Variants in DCDC2 observed in about 807,000 individuals in gnomAD.
DCDC2 encodes the protein doublecortin domain containing 2.
DCDC2 carries 40 observed loss-of-function variants against 50.2 expected under a neutral mutation model. The ratio of observed to expected loss-of-function variants is 0.80; its 90% CI spans 0.62 to 1.04. The LOEUF (loss-of-function observed/expected upper bound fraction) is 1.04, where lower values mean the gene tolerates loss of function less well. Among genes scored for constraint, DCDC2 ranks in the 50% least tolerant of loss-of-function variants. The pLI is 0.00. For synonymous variants in DCDC2, 234 were observed against 210.6 expected, an observed-to-expected ratio of 1.11 and a Z score of -0.96; for missense variants, 570 against 581.9, an observed-to-expected ratio of 0.98 and a Z score of 0.21.
chr6:24,250,712 T>C (rs114164872), intron 7 of DCDC2, among the ~76,000 whole-genome samples: 3,809 of 152,050 alleles, frequency 0.025, 79 homozygotes, highest in African/African-American at 0.054. Context: ...TTCCAACTTA[T>C]ATCCTAATCC....
At chr6:24,189,621 C>T (rs1160108622) in intron 8 of DCDC2, among the ~76,000 whole-genome samples, 3 of 152,150 alleles carry the variant, frequency 2.0e-5, no homozygotes, top group Non-Finnish European at 4.4e-5. Flanking sequence ...ATGTTTAAGG[C>T]ATATACTATC....
chr6:24,358,010 C>A lies in DCDC2; in HGVS notation c.-260G>T. The A allele has an allele frequency of 1.5e-6, 2 of 1,318,700 alleles. No homozygotes were observed. The highest frequency in any genetic ancestry group is 2.0e-6 in the Non-Finnish European group (2 of 981,248). 81.7% of individuals were successfully genotyped at this position (1,318,700 alleles called of 1,614,324 possible). ...AGCCAATCAGGACCCGCAGTGCGCG[C>A]ACCACACCAGGTTCACCTGCTACGG... is the stretch of plus-strand genomic sequence containing the variant. On this transcript the variant is annotated 5_prime_UTR_variant, in exon 1 of 10. Transcript: ENST00000378454.
intron 7 of DCDC2, among the ~76,000 whole-genome samples, chr6:24,276,757 T>A (rs1763367313): frequency 6.6e-6 from 1 of 152,170 alleles, no homozygotes. Context: ...AGCCTCCTTG[T>A]TTGCTACTCA....
chr6:24,198,109 AT>A, intron 8 of DCDC2, among the ~76,000 whole-genome samples: 1 of 152,358 alleles, frequency 6.6e-6, no homozygotes, highest in South Asian at 2.1e-4. Context: ...TTTGACTTAC[AT>A]TTATACAGGC....
chr6:24,285,065 C>T (rs980990079), intron 6 of DCDC2, among the ~76,000 whole-genome samples: 4 of 152,120 alleles, frequency 2.6e-5, no homozygotes, highest in African/African-American at 9.7e-5. Context: ...CACACACACA[C>T]ACTAGAATGA....
intron 4 of DCDC2, among the ~76,000 whole-genome samples, chr6:24,301,370 C>CAAAAAAAAA (rs59055669): frequency 1.6e-5 from 1 of 64,102 alleles, no homozygotes. Flanking sequence ...GGCTCCATCT[C>CAAAAAAAAA]AAAAAAAAAA....
chr6:24,337,812 A>AG (rs59621521), intron 2 of DCDC2, among the ~76,000 whole-genome samples: 2 of 150,990 alleles, frequency 1.3e-5, no homozygotes, highest in African/African-American at 4.9e-5. Flanking sequence ...AAAAAAAAAA[A>AG]GACTATTAAG....
chr6:24,195,054 C>T (rs1387782892), intron 8 of DCDC2, among the ~76,000 whole-genome samples: 1 of 152,060 alleles, frequency 6.6e-6, no homozygotes, highest in Non-Finnish European at 1.5e-5. Context: ...CATGCAAATA[C>T]CCCTGTATGT....
intron 2 of DCDC2, among the ~76,000 whole-genome samples, chr6:24,323,382 G>GC (rs2113853152): frequency 6.6e-6 from 1 of 152,108 alleles, no homozygotes; most frequent in South Asian, 2.1e-4. Context: ...TCCTGGACCA[G>GC]GAAAAAAATA....
upstream of DCDC2, among the ~76,000 whole-genome samples, chr6:24,361,153 C>G (rs1947776029): frequency 6.6e-6 from 1 of 152,004 alleles, no homozygotes; most frequent in African/African-American, 2.4e-5. Context: ...TGAAAGTTAA[C>G]AGTTTTCAAA....
At chr6:24,283,211 C>T (rs1012684414) in intron 6 of DCDC2, among the ~76,000 whole-genome samples, 1 of 152,168 alleles carries the variant, frequency 6.6e-6, no homozygotes, top group East Asian at 1.9e-4. Context: ...TCAAGCTCAG[C>T]GAATTTAAGA....
At chr6:24,368,410 G>A in the DCDC2 span, among the ~76,000 whole-genome samples, 2 of 151,972 alleles carry the variant, frequency 1.3e-5, no homozygotes, top group African/African-American at 2.4e-5. Context: ...GTGATTCTGC[G>A]ATACAAAATA....
At chr6:24,193,728 A>G (rs1041614630) in intron 8 of DCDC2, among the ~76,000 whole-genome samples, 1 of 152,154 alleles carries the variant, frequency 6.6e-6, no homozygotes. Context: ...AAGAAAAAAG[A>G]AAGGGAAAGG....
At chr6:24,246,150 C>T (rs2113795147) in intron 7 of DCDC2, among the ~76,000 whole-genome samples, 1 of 151,954 alleles carries the variant, frequency 6.6e-6, no homozygotes, top group Non-Finnish European at 1.5e-5. Context: ...AAGAAAATCA[C>T]CAAAAGGCAA....
At chr6:24,227,373 C>A (rs1387697742) in intron 7 of DCDC2, among the ~76,000 whole-genome samples, 1 of 152,130 alleles carries the variant, frequency 6.6e-6, no homozygotes, top group Admixed American at 6.6e-5. Context: ...GATGGGAGAA[C>A]AGGACATTCC....
At chr6:24,219,782 G>A (rs928139358) in intron 7 of DCDC2, among the ~76,000 whole-genome samples, 8 of 152,188 alleles carry the variant, frequency 5.3e-5, no homozygotes, top group Non-Finnish European at 7.3e-5. Context: ...AACTGGAGCA[G>A]GCTCATGAGA....
chr6:24,241,310 A>G (rs72830826), intron 7 of DCDC2, among the ~76,000 whole-genome samples: 7,513 of 152,262 alleles, frequency 0.049, 237 homozygotes, highest in Non-Finnish European at 0.074. Context: ...CATTTTCTAC[A>G]TGGAGCCTCC....
chr6:24,315,314 G>C (rs1759641457), intron 2 of DCDC2, among the ~76,000 whole-genome samples: 2 of 152,034 alleles, frequency 1.3e-5, no homozygotes, highest in Non-Finnish European at 2.9e-5. Flanking sequence ...TTACTGCAGT[G>C]GTTGAGGACA....
At chr6:24,310,659 C>A (rs1759554768) in intron 2 of DCDC2, among the ~76,000 whole-genome samples, 2 of 152,188 alleles carry the variant, frequency 1.3e-5, no homozygotes, top group Admixed American at 6.5e-5. Flanking sequence ...TCTCCTGACA[C>A]CAAATCTGTA....
Sources: allele counts gnomAD v4.1 joint callset (sites outside exome capture counted in the v4.1 genomes callset), GRCh38; gene constraint gnomAD v4.1.1; transcripts MANE v1.5; gene names NCBI Gene and HGNC (gene_info 2026-07-23, HGNC 2026-07-21).